The following CBLL1 variants were observed in gnomAD, a reference collection of about 807,000 sequenced individuals.
CBLL1 encodes E3 ubiquitin-protein ligase Hakai.
CBLL1 carries 4 observed loss-of-function variants against 44.9 expected under a neutral mutation model. The ratio of observed to expected loss-of-function variants is 0.09; its 90% confidence interval spans 0.04 to 0.20. The LOEUF (loss-of-function observed/expected upper bound fraction) is 0.20, where lower values mean the gene tolerates loss of function less well. CBLL1 is among the 10% of genes least tolerant of loss of function. CBLL1 has a pLI of 1.00. For missense variants in CBLL1, 569 were observed against 636.7 expected, an observed-to-expected ratio of 0.89 and a Z score of 1.14; for synonymous variants, 235 against 202.2, an observed-to-expected ratio of 1.16 and a Z score of -1.38.
chr7:107,748,420 TAGTA>T (rs1293156993), intron 1 of CBLL1, among the ~76,000 whole-genome samples: 1 of 152,270 alleles, frequency 6.6e-6, no homozygotes, highest in Non-Finnish European at 1.5e-5. Context: ...TCATCAGTAT[TAGTA>T]AGTTCAGTTT....
At chr7:107,749,748 G>C (rs2023710) in intron 2 of CBLL1, among the ~76,000 whole-genome samples, 112,493 of 151,578 alleles carry the variant, frequency 0.74, 42,099 homozygotes, top group East Asian at 0.99. Context: ...AGTTTTTACT[G>C]CCATACACCA....
At chr7:107,746,876 G>A (rs539394169) in intron 1 of CBLL1, among the ~76,000 whole-genome samples, 1 of 152,062 alleles carries the variant, frequency 6.6e-6, no homozygotes, top group Non-Finnish European at 1.5e-5. Context: ...TTTTGTAAAA[G>A]ATCCCAGATT....
chr7:107,759,233 T>G lies in CBLL1; in HGVS notation c.*55T>G, dbSNP rs1793667390. 9 of 1,443,416 alleles carry G rather than the reference T, an allele frequency of 6.2e-6. No homozygotes were observed. In the Admixed American group the frequency reaches 1.9e-4, roughly 30 times the overall value. The allele number at this position is 1,443,416 out of a possible 1,614,324, so 89.4% of individuals were successfully genotyped here. A position where few individuals can be genotyped will look rare whatever the true frequency, so the allele number is the denominator to read the frequency against. ...GGGAAAAAAACTTATGTGTAGTCAA[T>G]CTTTTAAGCTTTGACTGTTTTGGGA... is the stretch of plus-strand genomic sequence containing the variant. On this transcript the variant is annotated 3_prime_UTR_variant, in exon 6 of 6. Coordinates refer to ENST00000440859, the MANE Select transcript of CBLL1 (RefSeq NM_024814.4).
Position 107,759,933 on chromosome 7 carries a change from T to G in CBLL1, c.*755T>G, listed in dbSNP as rs1793702559. On this transcript the variant is annotated 3_prime_UTR_variant, in exon 6 of 6. Coordinates refer to ENST00000440859, the MANE Select transcript of CBLL1 (RefSeq NM_024814.4). ...AAGAGATGGCCAAAATAATCAACTC[T>G]ACAGGCTTCAAGCTGGTGGGGGAAT... 6.6e-6 allele frequency: 1 copy of G among 152,334 alleles called. No individual in the cohort carries two copies. Among genetic ancestry groups the G allele is most frequent in the Non-Finnish European group, 1.5e-5 (1 of 68,008 alleles). The allele number at this position is 152,334 out of a possible 1,614,324, so 9.4% of individuals were successfully genotyped here.
chr7:107,753,419 G>C lies in CBLL1; in HGVS notation c.190G>C (p.Asp64His). The C allele has an allele frequency of 1.3e-6, 2 of 1,570,744 alleles. No individual in the cohort carries two copies. Among genetic ancestry groups the C allele is most frequent in the Non-Finnish European group, 1.7e-6 (2 of 1,164,528 alleles). The change falls in exon 3 of 6, where the codon GAT becomes CAT. Residue 64 changes from aspartate to histidine, a missense_variant. By Grantham distance (81) the Asp-to-His change is moderately conservative (BLOSUM62 -1). Transcript: ENST00000440859. ...TACTTTTTTTTTCTCAGAAGGATTT[G>C]ATTATAATGAAGAAGAACGGTATGA... is the stretch of plus-strand genomic sequence containing the variant. ...KAPPGDEEGFDYNEEERYDCK... is the reference protein window; with the variant it reads ...KAPPGDEEGFHYNEEERYDCK...
In CBLL1 at chr7:107,759,045, G is replaced by T; in HGVS notation, c.1343G>T (p.Gly448Val). ...AGCCCTCCATTTACACAACCAGGGG[G>T]AATGAGTCCTGGTATATGGCCTGCA... ...TLSPPFTQPG[G>V]MSPGIWPAPR... The change falls in exon 6 of 6, where the codon GGA (glycine) becomes GTA (valine). Residue 448 changes from glycine (G) to valine (V), a missense_variant. Physicochemically the swap from Gly to Val is moderately radical, Grantham distance 109. Coordinates refer to ENST00000440859, the MANE Select transcript of CBLL1 (RefSeq NM_024814.4). 2.5e-6 allele frequency: 4 copies of T among 1,613,834 alleles called. No homozygotes were observed. The highest frequency in any genetic ancestry group is 3.4e-6 in the Non-Finnish European group (4 of 1,179,944).
intron 3 of CBLL1, 121 bp from the exon 4 acceptor site, chr7:107,753,774 A>G (rs1455616229): frequency 3.4e-6 from 2 of 583,770 alleles, no homozygotes; most frequent in Non-Finnish European, 5.6e-6. Context: ...TGGAGATTAT[A>G]CCAAGAGGCT....
rs567974396 is a variant in CBLL1, at chr7:107,750,454, C to T, written c.181+1407C>T. ...CCGAGTAGCTGGGACTACAGGTGCC[C>T]GCCACCACGCCCAGCTAATTTTTGT... On this transcript the variant is annotated intron_variant, in intron 2 of 5. Transcript: ENST00000440859. Among the ~76,000 whole-genome samples the T allele has an allele frequency of 2.0e-4, 30 of 152,012 alleles. No individual in the cohort carries two copies. In the South Asian group the frequency reaches 5.4e-3, roughly 27 times the overall value.
chr7:107,756,984 G>A (rs1488837752), intron 5 of CBLL1, among the ~76,000 whole-genome samples: 2 of 152,172 alleles, frequency 1.3e-5, no homozygotes, highest in African/African-American at 2.4e-5. Context: ...GAGATAGTTC[G>A]GAGTTTACAG....
intron 2 of CBLL1, chr7:107,752,635 A>G: frequency 8.1e-7 from 1 of 1,231,010 alleles, no homozygotes; most frequent in Non-Finnish European, 1.1e-6. Context: ...GATTCTACCT[A>G]GAATTCCCAT....
At position 107,758,873 on chromosome 7, in the gene CBLL1, A is replaced by G; in HGVS notation, c.1171A>G (p.Ile391Val). ...ACCAATAACCCCTCCCCCTGGACATATTATTGCCCAGATGCCACCTTATAT... is the reference window on the plus strand; with the variant it reads ...ACCAATAACCCCTCCCCCTGGACATGTTATTGCCCAGATGCCACCTTATAT... Reference protein sequence around the residue: ...PPPITPPPGHIIAQMPPYMNH... With the variant: ...PPPITPPPGHVIAQMPPYMNH... The change falls in exon 6 of 6, where the codon ATT (isoleucine) becomes GTT (valine). Residue 391 changes from isoleucine (I) to valine (V), a missense_variant. Transcript: ENST00000440859. The surrounding 1 kb of genome is among the most constrained non-coding windows in gnomAD (Gnocchi z 4.2). The G allele has an allele frequency of 1.2e-6, 2 of 1,613,708 alleles. No individual in the cohort carries two copies.
Position 107,758,404 on chromosome 7 carries a change from A to G in CBLL1, c.702A>G (p.Pro234=). The change falls in exon 6 of 6, where the codon CCA becomes CCG. Residue 234 remains proline, a synonymous_variant. Transcript: ENST00000440859. This position sits in a 1 kb window ranked among gnomAD's most constrained non-coding sequence, Gnocchi z 4.2. Reference sequence around the variant, plus strand: ...AGCACCATATGAGCCATATTCCGCCAAAGCAGCACATCATGATGCCACCAC... The same window carrying G: ...AGCACCATATGAGCCATATTCCGCCGAAGCAGCACATCATGATGCCACCAC... The part of the protein sequence containing the change: ...PDKHHMSHIP[P]KQHIMMPPPP... 6.2e-7 allele frequency: 1 copy of G among 1,614,134 alleles called. No individual in the cohort carries two copies. Among genetic ancestry groups the G allele is most frequent in the Non-Finnish European group, 8.5e-7 (1 of 1,180,016 alleles).
chr7:107,750,475 T>TTTGTA (rs1355756476), intron 2 of CBLL1, among the ~76,000 whole-genome samples: 1 of 151,994 alleles, frequency 6.6e-6, no homozygotes, highest in Non-Finnish European at 1.5e-5. Flanking sequence ...CCAGCTAATT[T>TTTGTA]TTGTATTTTT....
Position 107,755,562 on chromosome 7 carries a change from AG to A in CBLL1, c.440+73del, listed in dbSNP as rs879249611. 2.4e-4 allele frequency: 198 copies of A among 815,460 alleles called. 5 individuals carry two copies. In the South Asian group the frequency reaches 3.8e-3, roughly 16 times the overall value. The allele number at this position is 815,460 out of a possible 1,614,324, so 50.5% of individuals were successfully genotyped here. On this transcript the variant is annotated intron_variant, in intron 5 of 5. Transcript: ENST00000440859. Reference sequence around the variant, plus strand: ...TGCAATGATTTATAAGTTGGATTAAAGGTTAGGGAGTGATGTAAATCAGGCA... The same window carrying A: ...TGCAATGATTTATAAGTTGGATTAAAGTTAGGGAGTGATGTAAATCAGGCA...
chr7:107,751,201 C>A (rs955209002), intron 2 of CBLL1, among the ~76,000 whole-genome samples: 6 of 152,100 alleles, frequency 3.9e-5, no homozygotes, highest in Non-Finnish European at 8.8e-5. Context: ...TAAGGAGCAC[C>A]AACCTAGATC....
At chr7:107,747,419 T>C (rs1793070826) in intron 1 of CBLL1, among the ~76,000 whole-genome samples, 1 of 152,248 alleles carries the variant, frequency 6.6e-6, no homozygotes, top group Admixed American at 6.5e-5. Flanking sequence ...ACTTGCTTTT[T>C]AGTTCATTGG....
rs1433331918 is a variant in CBLL1, at chr7:107,759,858, A to G, written c.*680A>G. Reference sequence around the variant, plus strand: ...CACCAAAATACATTGGAATTCTAGTACTAAGATATATTTGTTCGTAATGTT... The same window carrying G: ...CACCAAAATACATTGGAATTCTAGTGCTAAGATATATTTGTTCGTAATGTT... On this transcript the variant is annotated 3_prime_UTR_variant, in exon 6 of 6. Coordinates refer to ENST00000440859, the MANE Select transcript of CBLL1 (RefSeq NM_024814.4). 1.3e-5 allele frequency: 2 copies of G among 152,456 alleles called. No homozygotes were observed. Among genetic ancestry groups the G allele is most frequent in the Non-Finnish European group, 2.9e-5 (2 of 68,014 alleles). The allele number at this position is 152,456 out of a possible 1,614,324, so 9.4% of individuals were successfully genotyped here. A position where few individuals can be genotyped will look rare whatever the true frequency, so the allele number is the denominator to read the frequency against.
At position 107,759,025 on chromosome 7, in the gene CBLL1, T is replaced by G. The variant is rs747144369; in HGVS notation, c.1323T>G (p.Pro441=). 5.0e-6 allele frequency: 8 copies of G among 1,613,874 alleles called. No individual in the cohort carries two copies. Among genetic ancestry groups the G allele is most frequent in the Non-Finnish European group, 6.8e-6 (8 of 1,179,962 alleles). ...CTGAAGATCAAGGAACTCTGAGCCC[T>G]CCATTTACACAACCAGGGGGAATGA... ...QFTEDQGTLS[P]PFTQPGGMSP... is the part of the protein sequence containing the mutation. The change falls in exon 6 of 6, where the codon CCT becomes CCG. Residue 441 remains proline (P), a synonymous_variant. Coordinates refer to ENST00000440859, the MANE Select transcript of CBLL1 (RefSeq NM_024814.4).
intron 4 of CBLL1, 194 bp downstream of exon 4, chr7:107,754,172 TATTA>T (rs1194405397): frequency 3.5e-5 from 12 of 341,104 alleles, no homozygotes; most frequent in South Asian, 1.9e-4. Context: ...TCTTATAAAA[TATTA>T]AATAAAACTG....
Sources: gnomAD v4.1 joint callset for allele counts (sites outside exome capture counted in the v4.1 genomes callset) on GRCh38, gnomAD v4.1.1 for gene constraint, Gnocchi (gnomAD v3.1) non-coding constraint, MANE v1.5 for transcripts, NCBI Gene and HGNC (gene_info 2026-07-23, HGNC 2026-07-21) for gene names.